The following PPEF1 variants were observed in gnomAD, a reference collection of about 807,000 sequenced individuals.
PPEF1 encodes the protein protein phosphatase with EF-hand domain 1, also known as serine/threonine-protein phosphatase with EF-hands 1.
Under a neutral mutation model 53.3 loss-of-function variants are expected in PPEF1, and 12 were observed. That is an observed-to-expected ratio of 0.23 (90% CI 0.14 to 0.36). PPEF1 has a LOEUF of 0.36. PPEF1 is among the 10% of genes least tolerant of loss of function. The pLI is 1.00. For synonymous variants in PPEF1, 165 were observed against 176.7 expected (o/e 0.93, Z 0.52); for missense variants, 334 against 490.4 (o/e 0.68, Z 3.01).
At chrX:18,736,817 G>T (rs2044994012) in intron 3 of PPEF1, among the ~76,000 whole-genome samples, 1 of 112,088 alleles carries the variant, frequency 8.9e-6, no homozygotes, top group Non-Finnish European at 1.9e-5. Context: ...GCCTGTTATT[G>T]GTCTATTCAG....
upstream of PPEF1, among the ~76,000 whole-genome samples, chrX:18,680,427 C>CT (rs1408873790): frequency 3.6e-5 from 2 of 55,818 alleles, no homozygotes; most frequent in African/African-American, 1.9e-4. Flanking sequence ...TAAATTTCTT[C>CT]TCTTTTTTTT....
chrX:18,722,373 C>CT (rs1397284261), intron 1 of PPEF1, among the ~76,000 whole-genome samples: 1 of 111,778 alleles, frequency 8.9e-6, no homozygotes, highest in African/African-American at 3.3e-5. Context: ...GAGGCCAGGC[C>CT]CCTTAAAGGT....
intron 13 of PPEF1, among the ~76,000 whole-genome samples, chrX:18,823,598 G>T (rs189345372): frequency 1.6e-3 from 174 of 108,799 alleles, no homozygotes; most frequent in African/African-American, 5.8e-3. Context: ...CTGCACTCCA[G>T]CCTGGGTGAA....
intron 1 of PPEF1, among the ~76,000 whole-genome samples, chrX:18,724,655 A>G (rs1174790861): frequency 9.0e-6 from 1 of 111,628 alleles, no homozygotes; most frequent in East Asian, 2.8e-4. Flanking sequence ...TTCTGCATGG[A>G]ATCAATGTGA....
chrX:18,780,006 A>G (rs2046052170), intron 7 of PPEF1, among the ~76,000 whole-genome samples: 1 of 112,012 alleles, frequency 8.9e-6, no homozygotes, highest in African/African-American at 3.2e-5. Context: ...TAAAACTATG[A>G]AGGAAAAAAA....
At chrX:18,759,353 C>T (rs12010246) in intron 5 of PPEF1, among the ~76,000 whole-genome samples, 49,054 of 110,158 alleles carry the variant, frequency 0.45, 8,688 homozygotes, top group Non-Finnish European at 0.57. Flanking sequence ...CCGTTTAAGA[C>T]GGTGTTAGGA....
At chrX:18,697,415 C>T (rs1232966271) in intron 4 of PPEF1, among the ~76,000 whole-genome samples, 3 of 110,966 alleles carry the variant, frequency 2.7e-5, no homozygotes, top group Non-Finnish European at 5.7e-5. Flanking sequence ...TCTCCCATTT[C>T]ACACCCTAGT....
chrX:18,810,248 A>G (rs1376109888), intron 12 of PPEF1, among the ~76,000 whole-genome samples: 2 of 109,955 alleles, frequency 1.8e-5, no homozygotes, highest in Non-Finnish European at 1.9e-5. Context: ...ACAACATACC[A>G]TATTTATTTA....
chrX:18,693,176 T>C (rs1451028812), intron 4 of PPEF1, among the ~76,000 whole-genome samples: 1 of 112,206 alleles, frequency 8.9e-6, no homozygotes, highest in Non-Finnish European at 1.9e-5. Flanking sequence ...CTCGCTACAG[T>C]GTCTCATGGT....
At chrX:18,706,852 G>A (rs2147281135), upstream of PPEF1, among the ~76,000 whole-genome samples, 1 of 62,238 alleles carries the variant, frequency 1.6e-5, no homozygotes, top group Admixed American at 2.6e-4. Flanking sequence ...TTTTTGAGAT[G>A]GAGTCTCGCT....
intron 6 of PPEF1, among the ~76,000 whole-genome samples, chrX:18,702,361 C>T (rs1188007961): frequency 1.8e-5 from 2 of 108,773 alleles, no homozygotes; most frequent in African/African-American, 6.7e-5. Context: ...TCCAGGTTTT[C>T]AGGACTAGAG....
intron 10 of PPEF1, among the ~76,000 whole-genome samples, chrX:18,793,105 T>C (rs1260455124): frequency 9.2e-6 from 1 of 108,477 alleles, no homozygotes; most frequent in Admixed American, 1.0e-4. Context: ...TTCAGTTTCC[T>C]TAGAAGGTAA....
At chrX:18,736,636 G>T (rs1374576974) in intron 3 of PPEF1, among the ~76,000 whole-genome samples, 1 of 111,690 alleles carries the variant, frequency 9.0e-6, no homozygotes, top group Non-Finnish European at 1.9e-5. Flanking sequence ...GGATGGTGCT[G>T]GCCTCATAAA....
At chrX:18,732,769 T>C (rs964222250) in intron 2 of PPEF1, among the ~76,000 whole-genome samples, 4 of 112,458 alleles carry the variant, frequency 3.6e-5, no homozygotes, top group African/African-American at 1.3e-4. Flanking sequence ...TGCAGGTCTT[T>C]GCAGATACCT....
In PPEF1 at chrX:18,730,246, C is replaced by A. The variant is rs774546210; in HGVS notation, c.112C>A (p.Gln38Lys). Residue 38 changes from glutamine to lysine, a missense_variant, in exon 2 of 16, where the codon CAA (glutamine) becomes AAA (lysine). Transcript: ENST00000470157. ...RGYKARLKARQHYALTIFQSI... is the reference protein window; with the variant it reads ...RGYKARLKARKHYALTIFQSI... The stretch of plus-strand genomic sequence containing the variant: ...TTACAAAGCTCGACTGAAGGCCAGA[C>A]AACACTATGCCCTCACCATCTTCCA... The A allele has an allele frequency of 8.3e-7, 1 of 1,209,477 alleles. No homozygotes were observed. Among genetic ancestry groups the A allele is most frequent in the Non-Finnish European group, 1.1e-6 (1 of 893,470 alleles).
In PPEF1 at chrX:18,717,495, G is replaced by A. The variant is rs182262472; in HGVS notation, c.46+9669G>A. Among the ~76,000 whole-genome samples, 4 of 109,675 alleles carry A rather than the reference G, an allele frequency of 3.6e-5. No individual in the cohort carries two copies. In the Admixed American group the frequency reaches 3.9e-4, roughly 11 times the overall value. Reference sequence around the variant, plus strand: ...CGTCTCTCTCCTCCCCTTCAAGCTCGCTCCTTAGGGGTGCATTTGTACCCG... The same window carrying A: ...CGTCTCTCTCCTCCCCTTCAAGCTCACTCCTTAGGGGTGCATTTGTACCCG... On this transcript the variant is annotated intron_variant, in intron 1 of 15. Transcript: ENST00000470157.
intron 12 of PPEF1, among the ~76,000 whole-genome samples, chrX:18,814,467 T>C (rs190150130): frequency 8.9e-6 from 1 of 112,239 alleles, no homozygotes; most frequent in African/African-American, 3.2e-5. Context: ...CAGCGGTGTA[T>C]AAGCATTCCC....
At chrX:18,718,545 G>A (rs368119522) in intron 1 of PPEF1, among the ~76,000 whole-genome samples, 72 of 111,435 alleles carry the variant, frequency 6.5e-4, no homozygotes, top group East Asian at 3.4e-3. Flanking sequence ...AACCATGATC[G>A]TACCACTGCA....
chrX:18,691,915 T>C (rs1415631399), intron 4 of PPEF1, among the ~76,000 whole-genome samples: 1 of 112,002 alleles, frequency 8.9e-6, no homozygotes, highest in Non-Finnish European at 1.9e-5. Context: ...GCTTTACAGA[T>C]AGCCCTCACT....
Sources: gnomAD v4.1 joint callset for allele counts (sites outside exome capture counted in the v4.1 genomes callset) on GRCh38, gnomAD v4.1.1 for gene constraint, MANE v1.5 for transcripts, NCBI Gene and HGNC (gene_info 2026-07-23, HGNC 2026-07-21) for gene names.